DLGAP4: variants seen among roughly 807,000 people sequenced by gnomAD.
The protein encoded by DLGAP4 is DLG associated protein 4.
Under a neutral mutation model 86.9 loss-of-function variants are expected in DLGAP4, and 18 were observed. The ratio of observed to expected loss-of-function variants is 0.21; its 90% CI spans 0.14 to 0.31. DLGAP4 has a LOEUF of 0.31. DLGAP4 is among the 10% of genes least tolerant of loss of function. The pLI is 1.00. For synonymous variants in DLGAP4, 548 were observed against 574.3 expected (o/e 0.95, Z 0.65); for missense variants, 1,085 against 1,362.6 (o/e 0.80, Z 3.21).
chr20:36,386,090 C>T (rs547468282), intron 2 of DLGAP4, among the ~76,000 whole-genome samples: 48 of 152,258 alleles, frequency 3.2e-4, no homozygotes, highest in Middle Eastern at 3.4e-3. Context: ...GCCTCCTCAG[C>T]GGAGGCTGGG....
rs569929987 is a variant in DLGAP4 at position 36,393,844 on chromosome 20, G to A, written c.-73+26569G>A. Among the ~76,000 whole-genome samples the A allele has an allele frequency of 1.2e-4, 18 of 152,242 alleles. No individual in the cohort carries two copies. Among genetic ancestry groups the A allele is most frequent in the East Asian group, 9.7e-4 (5 of 5,176 alleles). On this transcript the variant is annotated intron_variant, in intron 2 of 12. Transcript: ENST00000339266. The surrounding 1 kb of genome is among the most constrained non-coding windows in gnomAD (Gnocchi z 4.4). ...CCAAAGTCACACAGGGAGTGTGTGCGTTCCAACCCTAGCCTGTGTCTCGGC... is the reference window on the plus strand; with the variant it reads ...CCAAAGTCACACAGGGAGTGTGTGCATTCCAACCCTAGCCTGTGTCTCGGC...
intron 1 of DLGAP4, among the ~76,000 whole-genome samples, chr20:36,307,156 C>A (rs976934020): frequency 6.6e-6 from 1 of 152,150 alleles, no homozygotes; most frequent in Non-Finnish European, 1.5e-5. Context: ...TGTTTGCGTC[C>A]CTGGGAGGGG....
chr20:36,464,351 G>A (rs752910678), intron 7 of DLGAP4, among the ~76,000 whole-genome samples: 8 of 152,198 alleles, frequency 5.3e-5, no homozygotes, highest in Non-Finnish European at 8.8e-5. Context: ...CTTGAGCTCA[G>A]GAGTTCAAGA....
chr20:36,357,680 G>A (rs1408714594), intron 1 of DLGAP4, among the ~76,000 whole-genome samples: 1 of 152,216 alleles, frequency 6.6e-6, no homozygotes, highest in Non-Finnish European at 1.5e-5. Context: ...ATGAACCAAC[G>A]ATGAGGTCGG....
At chr20:36,476,705 G>GTTTTTTTTTTTTTTTTTTTTTTTTTTGT (rs35699904) in intron 7 of DLGAP4, among the ~76,000 whole-genome samples, 6 of 85,340 alleles carry the variant, frequency 7.0e-5, no homozygotes, top group African/African-American at 1.9e-4. Flanking sequence ...TTTTTTTTTG[G>GTTTTTTTTTTTTTTTTTTTTTTTTTTGT]TTTTTTTTTT....
intron 12 of DLGAP4, among the ~76,000 whole-genome samples, chr20:36,526,369 G>A (rs535216522): frequency 6.6e-6 from 1 of 152,216 alleles, no homozygotes; most frequent in East Asian, 1.9e-4. Flanking sequence ...GTGACCTTGT[G>A]GTAGCCAGCC....
chr20:36,380,222 A>G lies in DLGAP4; in HGVS notation c.-73+12947A>G, dbSNP rs2031320361. On this transcript the variant is annotated intron_variant, in intron 2 of 12. Transcript: ENST00000339266. ...ATTAGACCAGCCTGGGCAACATGGC[A>G]AAACCCCACCTCTACAAAAAATACA... Among the ~76,000 whole-genome samples the G allele has an allele frequency of 4.0e-5, 6 of 151,358 alleles. No individual in the cohort carries two copies. In the South Asian group the frequency reaches 1.3e-3, roughly 32 times the overall value.
In DLGAP4 at chr20:36,317,220, CTTTT is replaced by C. The variant is rs1414809247; in HGVS notation, c.-304+10711_-304+10714del. On this transcript the variant is annotated intron_variant, in intron 1 of 12. Transcript: ENST00000339266. ...CTTCCCTCCTTCCTTCCTTCCTCTC[CTTTT>C]TTCTTTCTTTCTTTCTTTCTTTCTT... is the stretch of plus-strand genomic sequence containing the variant. Among the ~76,000 whole-genome samples, 552 of 117,286 alleles carry C rather than the reference CTTTT, an allele frequency of 4.7e-3. 4 individuals carry two copies. The highest frequency in any genetic ancestry group is 0.016 in the African/African-American group (524 of 32,014). The allele number at this position is 117,286 out of a possible 152,430, so 76.9% of individuals were successfully genotyped here.
chr20:36,364,516 AC>A (rs2030620410), intron 1 of DLGAP4, among the ~76,000 whole-genome samples: 2 of 152,122 alleles, frequency 1.3e-5, no homozygotes, highest in Admixed American at 1.3e-4. Context: ...CATTTTCATT[AC>A]CTCCAAAAAG....
chr20:36,308,461 G>A lies in DLGAP4; in HGVS notation c.-304+1949G>A, dbSNP rs2065025082. On this transcript the variant is annotated intron_variant, in intron 1 of 12. Coordinates refer to ENST00000339266, the MANE Select transcript of DLGAP4 (RefSeq NM_001365621.2). The surrounding 1 kb of genome is among the most constrained non-coding windows in gnomAD (Gnocchi z 4.5). ...GAACCCCGGGTGCCAGCCTTGAGAT[G>A]GAACTGCAGGTCTGAGGGCTGTGCC... 6.6e-6 allele frequency among the ~76,000 whole-genome samples: 1 copy of A among 152,232 alleles called. No homozygotes were observed. The highest frequency in any genetic ancestry group is 1.5e-5 in the Non-Finnish European group (1 of 68,030).
intron 10 of DLGAP4, among the ~76,000 whole-genome samples, chr20:36,521,349 C>G (rs557457604): frequency 1.3e-5 from 2 of 152,292 alleles, no homozygotes; most frequent in South Asian, 4.1e-4. Flanking sequence ...CTCTGAATCT[C>G]TTTTTAGTAG....
intron 10 of DLGAP4, among the ~76,000 whole-genome samples, chr20:36,509,490 GA>G (rs938410394): frequency 6.6e-6 from 1 of 152,072 alleles, no homozygotes; most frequent in Non-Finnish European, 1.5e-5. Flanking sequence ...AGAATCGCTT[GA>G]ACCCAGGAGG....
intron 9 of DLGAP4, 66 bp downstream of exon 9, chr20:36,499,742 C>T: frequency 7.1e-7 from 1 of 1,411,206 alleles, no homozygotes; most frequent in South Asian, 1.2e-5. Flanking sequence ...CTCACCTCTC[C>T]TGCTCTCCCT....
intron 7 of DLGAP4, among the ~76,000 whole-genome samples, chr20:36,473,890 G>A (rs945584515): frequency 3.3e-5 from 5 of 152,204 alleles, no homozygotes; most frequent in African/African-American, 1.2e-4. Context: ...GAGGTCATAT[G>A]TACCTATAGT....
At chr20:36,481,003 A>G (rs183153246) in intron 7 of DLGAP4, among the ~76,000 whole-genome samples, 73 of 151,606 alleles carry the variant, frequency 4.8e-4, no homozygotes, top group African/African-American at 1.7e-3. Flanking sequence ...GACTGTCTCA[A>G]AAAAAAAATG....
At chr20:36,461,658 G>GC (rs770849804) in intron 7 of DLGAP4, 256,952 of 274,440 alleles carry the variant, frequency 0.94, 120,562 homozygotes, top group East Asian at 0.98. Flanking sequence ...GACGGGGGCC[G>GC]CCCCGCCCGG....
At chr20:36,492,925 T>C (rs573613064) in intron 7 of DLGAP4, 8 of 151,976 alleles carry the variant, frequency 5.3e-5, no homozygotes, top group African/African-American at 1.9e-4. Context: ...ATTTCAAGAG[T>C]TGCTCTAAAC....
chr20:36,369,707 G>T (rs2030848324), intron 2 of DLGAP4, among the ~76,000 whole-genome samples: 1 of 152,176 alleles, frequency 6.6e-6, no homozygotes, highest in Non-Finnish European at 1.5e-5. Context: ...CTGGGTGGTG[G>T]TTACATGACT....
At chr20:36,345,530 T>G (rs1228163851) in intron 1 of DLGAP4, among the ~76,000 whole-genome samples, 1 of 152,184 alleles carries the variant, frequency 6.6e-6, no homozygotes, top group African/African-American at 2.4e-5. Flanking sequence ...ATCTGTGAAA[T>G]GGGAGAATGA....
Sources: allele counts gnomAD v4.1 joint callset (sites outside exome capture counted in the v4.1 genomes callset), GRCh38; gene constraint gnomAD v4.1.1; non-coding constraint Gnocchi (gnomAD v3.1); transcripts MANE v1.5; gene names NCBI Gene and HGNC (gene_info 2026-07-23, HGNC 2026-07-21).